Variants in ECE1 observed in about 807,000 individuals in gnomAD.
ECE1 encodes the protein endothelin converting enzyme 1.
A neutral mutation model predicts 98.6 loss-of-function variants in ECE1; 35 were observed. That is an observed-to-expected ratio of 0.35 (90% CI 0.27 to 0.47). The LOEUF (loss-of-function observed/expected upper bound fraction) is 0.47. ECE1 is among the 20% of genes least tolerant of loss of function. The probability of loss-of-function intolerance (pLI) is 1.00; values close to 1 mark genes in which losing one functional copy is unlikely to be tolerated. For missense variants in ECE1, 814 were observed against 1,025.3 expected (o/e 0.79, Z 2.81); for synonymous variants, 394 against 407.1 (o/e 0.97, Z 0.39).
At chr1:21,226,118 T>A (rs920909419) in intron 16 of ECE1, among the ~76,000 whole-genome samples, 4 of 152,148 alleles carry the variant, frequency 2.6e-5, no homozygotes, top group Non-Finnish European at 4.4e-5. Context: ...GCTTCTTCCA[T>A]CTCCGCCCGG....
intron 3 of ECE1, among the ~76,000 whole-genome samples, chr1:21,277,415 C>G (rs1354392663): frequency 6.6e-6 from 1 of 152,252 alleles, no homozygotes; most frequent in African/African-American, 2.4e-5. Flanking sequence ...GTCTGGCCAG[C>G]TCCCGCTGCT....
At chr1:21,304,168 T>C (rs1638545985) in intron 1 of ECE1, among the ~76,000 whole-genome samples, 1 of 150,174 alleles carries the variant, frequency 6.7e-6, no homozygotes, top group African/African-American at 2.5e-5. Flanking sequence ...TACAAAAAAT[T>C]AGCCAGGTGT....
chr1:21,278,104 C>G (rs1286010904), intron 3 of ECE1, among the ~76,000 whole-genome samples: 1 of 152,194 alleles, frequency 6.6e-6, no homozygotes, highest in Non-Finnish European at 1.5e-5. Flanking sequence ...GCGACCGAGT[C>G]AGTGGGTGGG....
rs1459838679 is a variant in ECE1, at chr1:21,319,929, G to A, written c.3+25447C>T. Among the ~76,000 whole-genome samples, 4 of 152,096 alleles carry A rather than the reference G, an allele frequency of 2.6e-5. No homozygotes were observed. Among genetic ancestry groups the A allele is most frequent in the East Asian group, 3.8e-4 (2 of 5,196 alleles). ...CACTCCAGATCTTCTGTTTACACTC[G>A]GCAGCAGCGTCCCATCTTTTGACTT... On this transcript the variant is annotated intron_variant, in intron 1 of 18. Coordinates refer to the ECE1 transcript ENST00000415912. The surrounding 1 kb of genome is among the most constrained non-coding windows in gnomAD (Gnocchi z 4.4).
At chr1:21,286,358 T>C (rs945730203) in intron 2 of ECE1, among the ~76,000 whole-genome samples, 2 of 152,230 alleles carry the variant, frequency 1.3e-5, no homozygotes, top group Admixed American at 6.5e-5. Context: ...ATAATCCTTG[T>C]AATAACCTAA....
upstream of ECE1, chr1:21,290,604 G>T: frequency 8.4e-7 from 1 of 1,183,808 alleles, no homozygotes; most frequent in Middle Eastern, 3.4e-4. This position sits in a 1 kb window ranked among gnomAD's most constrained non-coding sequence, Gnocchi z 7.3. Flanking sequence ...CTTCCCCGGA[G>T]GTCGGGAGTG....
At chr1:21,318,649 A>C (rs1271300033) in intron 1 of ECE1, among the ~76,000 whole-genome samples, 3 of 152,100 alleles carry the variant, frequency 2.0e-5, no homozygotes, top group Middle Eastern at 3.4e-3. Flanking sequence ...CCCACTTCAC[A>C]AGCCTATCCA....
intron 1 of ECE1, among the ~76,000 whole-genome samples, chr1:21,295,512 C>T (rs1638331931): frequency 6.6e-6 from 1 of 152,166 alleles, no homozygotes; most frequent in Non-Finnish European, 1.5e-5. Flanking sequence ...ATGTGATTAG[C>T]TTATTTTAAA....
chr1:21,342,601 C>CACAAAT (rs1195575353), intron 1 of ECE1, among the ~76,000 whole-genome samples: 146 of 114,274 alleles, frequency 1.3e-3, no homozygotes, highest in Admixed American at 2.6e-3. Context: ...CACAGACACA[C>CACAAAT]ACAGATACAC....
chr1:21,274,421 GGGGCTTT>G (rs2098244122), intron 3 of ECE1, among the ~76,000 whole-genome samples: 1 of 152,212 alleles, frequency 6.6e-6, no homozygotes. Flanking sequence ...GTTTGCCAGT[GGGGCTTT>G]GGGCAAGTGA....
intron 2 of ECE1, among the ~76,000 whole-genome samples, chr1:21,285,581 C>G (rs2098259558): frequency 6.6e-6 from 1 of 151,334 alleles, no homozygotes; most frequent in Non-Finnish European, 1.5e-5. Context: ...TCCCAGCACT[C>G]TGGGAGGCCA....
At chr1:21,332,997 C>T (rs1639235884) in intron 1 of ECE1, among the ~76,000 whole-genome samples, 1 of 152,124 alleles carries the variant, frequency 6.6e-6, no homozygotes, top group South Asian at 2.1e-4. Flanking sequence ...AGTGCTGCTC[C>T]TCTCACTGAA....
chr1:21,250,113 C>T (rs1185547331), intron 8 of ECE1, among the ~76,000 whole-genome samples: 1 of 151,962 alleles, frequency 6.6e-6, no homozygotes, highest in East Asian at 1.9e-4. Context: ...GAGACTCTAC[C>T]CATCAGGCAA....
intron 1 of ECE1, among the ~76,000 whole-genome samples, chr1:21,341,671 C>T (rs1253329471): frequency 6.6e-6 from 1 of 152,244 alleles, no homozygotes; most frequent in East Asian, 1.9e-4. Context: ...AGCCCAGTCA[C>T]CAGCAGGGGC....
Position 21,285,261 on chromosome 1 carries a change from G to A in ECE1, c.138+4809C>T, listed in dbSNP as rs540314694. Among the ~76,000 whole-genome samples, 7 of 152,194 alleles carry A rather than the reference G, an allele frequency of 4.6e-5. No homozygotes were observed. The East Asian group carries it at 7.7e-4, about 17-fold the overall frequency. On this transcript the variant is annotated intron_variant, in intron 2 of 18. Coordinates refer to ENST00000374893, the MANE Select transcript of ECE1 (RefSeq NM_001397.3). ...TTACAAGTACTTTCCAACTTTCATCGCTTCCCAGAAGGAACACCCAGCTCC... is the reference window on the plus strand; with the variant it reads ...TTACAAGTACTTTCCAACTTTCATCACTTCCCAGAAGGAACACCCAGCTCC...
At chr1:21,339,255 G>A (rs1639357877) in intron 1 of ECE1, among the ~76,000 whole-genome samples, 1 of 152,174 alleles carries the variant, frequency 6.6e-6, no homozygotes, top group African/African-American at 2.4e-5. Context: ...TGTCAAGTGC[G>A]GTGCAAAGGT....
In ECE1 at chr1:21,219,986, A is replaced by G. The variant is rs2098165323; in HGVS notation, c.2282T>C (p.Met761Thr). 7.4e-6 allele frequency: 12 copies of G among 1,614,216 alleles called. No homozygotes were observed. Among genetic ancestry groups the G allele is most frequent in the Non-Finnish European group, 9.3e-6 (11 of 1,180,038 alleles). The part of the protein sequence containing the change: ...EHFRCPPGSP[M>T]NPPHKCEVW Reference sequence around the variant, plus strand: ...GACTTCGCACTTGTGAGGCGGGTTCATGGGTGAGCCAGGTGGGCAGCGGAA... The same window carrying G: ...GACTTCGCACTTGTGAGGCGGGTTCGTGGGTGAGCCAGGTGGGCAGCGGAA... The change falls in exon 19 of 19, where the codon ATG becomes ACG. Residue 761 changes from methionine to threonine, a missense_variant. Coordinates refer to ENST00000374893, the MANE Select transcript of ECE1 (RefSeq NM_001397.3). The surrounding 1 kb of genome is among the most constrained non-coding windows in gnomAD (Gnocchi z 4.5).
rs2103314544 is a variant in ECE1 at position 21,268,734 on chromosome 1, C to G, written c.493+3965G>C. Among the ~76,000 whole-genome samples, 2 of 152,354 alleles carry G rather than the reference C, an allele frequency of 1.3e-5. 1 individual carries two copies. The highest frequency in any genetic ancestry group is 4.1e-4 in the South Asian group (2 of 4,828). Reference sequence around the variant, plus strand: ...CATCAGCTCTGGCTCCCTTCCGACGCCTGTTGGCTGACCCCTTTGTCTTGG... The same window carrying G: ...CATCAGCTCTGGCTCCCTTCCGACGGCTGTTGGCTGACCCCTTTGTCTTGG... On this transcript the variant is annotated intron_variant, in intron 4 of 18. Coordinates refer to ENST00000374893, the MANE Select transcript of ECE1 (RefSeq NM_001397.3).
At chr1:21,247,400 G>C (rs1395761782) in intron 8 of ECE1, 37 bp from the exon 9 acceptor site, 1 of 1,614,064 alleles carries the variant, frequency 6.2e-7, no homozygotes, top group Non-Finnish European at 8.5e-7. Flanking sequence ...CTGTGGGGCT[G>C]CTCCTCCTCA....
Sources: allele counts gnomAD v4.1 joint callset (sites outside exome capture counted in the v4.1 genomes callset), GRCh38; gene constraint gnomAD v4.1.1; non-coding constraint Gnocchi (gnomAD v3.1); transcripts MANE v1.5; gene names NCBI Gene and HGNC (gene_info 2026-07-23, HGNC 2026-07-21).